NEBL: variants seen among roughly 807,000 people sequenced by gnomAD.
The protein encoded by NEBL is LIM and SH3 protein 2.
In NEBL, 122 loss-of-function variants were observed where a neutral mutation model predicts 140.2. That is an observed-to-expected ratio of 0.87 (90% CI 0.75 to 1.01). The LOEUF (loss-of-function observed/expected upper bound fraction) is 1.01, where lower values mean the gene tolerates loss of function less well. Ranked by LOEUF, NEBL falls within the 50% of genes least tolerant of loss-of-function variation. The pLI, the probability that NEBL is intolerant of heterozygous loss-of-function variation, is 0.00. For synonymous variants in NEBL, 436 were observed against 398.9 expected, an observed-to-expected ratio of 1.09 and a Z score of -1.11; for missense variants, 1,365 against 1,231.3, an observed-to-expected ratio of 1.11 and a Z score of -1.62.
intron 3 of NEBL, among the ~76,000 whole-genome samples, chr10:21,208,296 G>C (rs957928913): frequency 1.3e-5 from 2 of 152,172 alleles, no homozygotes; most frequent in African/African-American, 4.8e-5. Context: ...ACCTGAAAGA[G>C]TATCTCAAAA....
intron 4 of NEBL, among the ~76,000 whole-genome samples, chr10:20,950,474 T>C (rs1228198994): frequency 6.6e-6 from 1 of 152,194 alleles, no homozygotes; most frequent in Non-Finnish European, 1.5e-5. Flanking sequence ...CTTCTGCCTC[T>C]TCTCCCTCAT....
chr10:20,802,994 A>C (rs1837264006), intron 26 of NEBL, among the ~76,000 whole-genome samples: 1 of 152,152 alleles, frequency 6.6e-6, no homozygotes, highest in Non-Finnish European at 1.5e-5. Context: ...AACCCGGACC[A>C]AGTCGTGAGA....
chr10:20,894,951 T>C (rs1226164925), intron 2 of NEBL, among the ~76,000 whole-genome samples: 4 of 145,844 alleles, frequency 2.7e-5, no homozygotes, highest in Admixed American at 2.7e-4. Flanking sequence ...AAAAAAAAAA[T>C]TAAGGCAGAA....
At chr10:21,241,580 T>A (rs1842440576) in intron 3 of NEBL, among the ~76,000 whole-genome samples, 1 of 152,202 alleles carries the variant, frequency 6.6e-6, no homozygotes, top group Admixed American at 6.5e-5. Context: ...AACATTCTGT[T>A]TGTGCTTCAT....
chr10:21,087,802 A>G (rs1836709014), intron 2 of NEBL, among the ~76,000 whole-genome samples: 2 of 152,240 alleles, frequency 1.3e-5, no homozygotes, highest in Non-Finnish European at 2.9e-5. Context: ...TGCCTTAGAT[A>G]TGATTTACCA....
Position 20,863,758 on chromosome 10 carries a change from G to A in NEBL, c.685-3932C>T, listed in dbSNP as rs527583389. ...CTCCATGGAGCCTGCCTTGTGGGAA[G>A]TGAAATGGATTTCGAAAACACACAC... On this transcript the variant is annotated intron_variant, in intron 7 of 27. Transcript: ENST00000377122. Among the ~76,000 whole-genome samples, 8 of 152,276 alleles carry A rather than the reference G, an allele frequency of 5.3e-5. No homozygotes were observed. The East Asian group carries it at 1.4e-3, about 26-fold the overall frequency.
intron 2 of NEBL, among the ~76,000 whole-genome samples, chr10:21,072,488 A>G (rs931715383): frequency 8.5e-5 from 13 of 152,214 alleles, no homozygotes; most frequent in African/African-American, 3.1e-4. Context: ...CACCAACAAA[A>G]TCTTCTGGAA....
chr10:21,261,859 C>T (rs114697026), intron 1 of NEBL, among the ~76,000 whole-genome samples: 3,542 of 152,166 alleles, frequency 0.023, 54 homozygotes, highest in Non-Finnish European at 0.032. Flanking sequence ...AACAGCCCTG[C>T]GTGTCCTGCT....
Position 21,033,693 on chromosome 10 carries a change from T to C in NEBL, c.165-13492A>G, listed in dbSNP as rs374823536. ...AGGCAGAGGTTGCAGTGAGTCAAGA[T>C]TGCACCACTGCACTCCAGCCTGGCA... On this transcript the variant is annotated intron_variant, in intron 2 of 6. Coordinates refer to the NEBL transcript ENST00000417816. Among the ~76,000 whole-genome samples, 176 of 150,458 alleles carry C rather than the reference T, an allele frequency of 1.2e-3. 1 individual carries two copies. Among genetic ancestry groups the C allele is most frequent in the African/African-American group, 4.1e-3 (168 of 40,884 alleles).
chr10:21,277,845 G>T (rs1170048494), intron 1 of NEBL, among the ~76,000 whole-genome samples: 1 of 151,980 alleles, frequency 6.6e-6, no homozygotes, highest in African/African-American at 2.4e-5. Context: ...TAAGAGACAA[G>T]GTGTCTTGCA....
chr10:21,259,488 G>A (rs893431869), intron 1 of NEBL, among the ~76,000 whole-genome samples: 1 of 151,940 alleles, frequency 6.6e-6, no homozygotes, highest in Non-Finnish European at 1.5e-5. Flanking sequence ...TCCTCATCCC[G>A]TGCCTCTTTC....
intron 3 of NEBL, among the ~76,000 whole-genome samples, chr10:21,215,808 G>C (rs1564544010): frequency 6.6e-6 from 1 of 152,142 alleles, no homozygotes; most frequent in Non-Finnish European, 1.5e-5. Flanking sequence ...CCATAGGCAT[G>C]TGCCACCATG....
At chr10:21,094,133 G>T (rs1418511007) in intron 2 of NEBL, among the ~76,000 whole-genome samples, 5 of 152,084 alleles carry the variant, frequency 3.3e-5, no homozygotes, top group African/African-American at 1.2e-4. Context: ...GAAGTGGGAG[G>T]ATCACTTGAG....
chr10:20,840,999 C>A, intron 12 of NEBL, 150 bp from the exon 13 acceptor site: 1 of 630,034 alleles, frequency 1.6e-6, no homozygotes, highest in Admixed American at 2.6e-5. Flanking sequence ...TTTTTTCCTA[C>A]AGACACTTCA....
intron 3 of NEBL, among the ~76,000 whole-genome samples, chr10:20,982,273 C>G (rs769690654): frequency 6.6e-6 from 1 of 152,152 alleles, no homozygotes; most frequent in African/African-American, 2.4e-5. Context: ...AGATGGGACT[C>G]CCCCTCTCCA....
At chr10:20,944,474 T>C (rs1309629641) in intron 4 of NEBL, among the ~76,000 whole-genome samples, 1 of 152,214 alleles carries the variant, frequency 6.6e-6, no homozygotes, top group African/African-American at 2.4e-5. Context: ...CACCCCACAT[T>C]GCAGACATTT....
At chr10:21,096,795 A>G (rs1327558420) in intron 2 of NEBL, among the ~76,000 whole-genome samples, 3 of 152,190 alleles carry the variant, frequency 2.0e-5, no homozygotes, top group African/African-American at 7.2e-5. Context: ...GGTATGAGCC[A>G]TCAGGCCCGG....
At chr10:20,831,835 G>A (rs1321558973) in intron 14 of NEBL, among the ~76,000 whole-genome samples, 4 of 151,852 alleles carry the variant, frequency 2.6e-5, no homozygotes, top group Non-Finnish European at 5.9e-5. Context: ...AGCTAGCCAA[G>A]GGGAAAATTT....
At chr10:21,225,272 G>T (rs971025143) in intron 3 of NEBL, among the ~76,000 whole-genome samples, 1 of 152,096 alleles carries the variant, frequency 6.6e-6, no homozygotes, top group African/African-American at 2.4e-5. Flanking sequence ...CCATGGAGCT[G>T]GGGGAGAGGT....
Sources: allele counts gnomAD v4.1 joint callset (sites outside exome capture counted in the v4.1 genomes callset), GRCh38; gene constraint gnomAD v4.1.1; transcripts MANE v1.5; gene names NCBI Gene and HGNC (gene_info 2026-07-23, HGNC 2026-07-21).